Variants in PITPNC1 observed in about 807,000 individuals in gnomAD.
PITPNC1 encodes phosphatidylinositol transfer protein cytoplasmic 1.
A neutral mutation model predicts 44.7 loss-of-function variants in PITPNC1; 18 were observed. The ratio of observed to expected loss-of-function variants is 0.40; its 90% CI spans 0.28 to 0.60. PITPNC1 has a LOEUF of 0.60. Among genes scored for constraint, PITPNC1 ranks in the 20% least tolerant of loss-of-function variants. The pLI is 0.39. For missense variants in PITPNC1, 290 were observed against 418.4 expected, an observed-to-expected ratio of 0.69 and a Z score of 2.68; for synonymous variants, 141 against 149.6, an observed-to-expected ratio of 0.94 and a Z score of 0.42.
chr17:67,528,404 C>T (rs1022396519), intron 1 of PITPNC1, among the ~76,000 whole-genome samples: 1 of 152,242 alleles, frequency 6.6e-6, no homozygotes, highest in African/African-American at 2.4e-5. Context: ...GTGCCTTGCA[C>T]TAATGGGCAA....
chr17:67,687,150 C>G, intron 8 of PITPNC1: 1 of 1,603,198 alleles, frequency 6.2e-7, no homozygotes, highest in Non-Finnish European at 8.5e-7. Context: ...CATTCCTCCC[C>G]TGTGGATGAC....
At position 67,593,616 on chromosome 17, in the gene PITPNC1, C is replaced by T. The variant is rs190149237; in HGVS notation, c.366+15359C>T. On this transcript the variant is annotated intron_variant, in intron 5 of 8. Coordinates refer to ENST00000581322, the MANE Select transcript of PITPNC1 (RefSeq NM_012417.4). ...GTTTCACCGTGTTGGCCAGGCTGGT[C>T]TCAAACTCCTGGGCTCAAGCAATCT... Among the ~76,000 whole-genome samples, 5 of 152,286 alleles carry T rather than the reference C, an allele frequency of 3.3e-5. No individual in the cohort carries two copies. The South Asian group carries it at 1.0e-3, about 32-fold the overall frequency.
At chr17:67,501,975 T>A (rs1339896684) in intron 1 of PITPNC1, among the ~76,000 whole-genome samples, 1 of 152,208 alleles carries the variant, frequency 6.6e-6, no homozygotes, top group Non-Finnish European at 1.5e-5. Context: ...ACTGACCTAT[T>A]AGTGAGTATT....
chr17:67,463,553 G>T (rs1028996688), intron 1 of PITPNC1, among the ~76,000 whole-genome samples: 1 of 152,190 alleles, frequency 6.6e-6, no homozygotes, highest in African/African-American at 2.4e-5. Flanking sequence ...GAGCATCGCT[G>T]ATATCAGGAG....
Position 67,532,906 on chromosome 17 carries a change from C to T in PITPNC1, c.153C>T (p.His51=), listed in dbSNP as rs768292100. The T allele has an allele frequency of 2.5e-6, 4 of 1,610,808 alleles. No homozygotes were observed. The highest frequency in any genetic ancestry group is 3.4e-6 in the Non-Finnish European group (4 of 1,178,836). The change falls in exon 2 of 9, where the codon CAC becomes CAT. Residue 51 remains histidine, a synonymous_variant. Coordinates refer to ENST00000581322, the MANE Select transcript of PITPNC1 (RefSeq NM_012417.4). ...AGAATGAGCCCTTTGAGGACCCTCACCATGGCAATGGGCAGTTCACCGAGA... is the reference window on the plus strand; with the variant it reads ...AGAATGAGCCCTTTGAGGACCCTCATCATGGCAATGGGCAGTTCACCGAGA... The part of the protein sequence containing the change: ...VVQNEPFEDP[H]HGNGQFTEKR...
At chr17:67,462,521 C>G (rs546543557) in intron 1 of PITPNC1, among the ~76,000 whole-genome samples, 1 of 151,792 alleles carries the variant, frequency 6.6e-6, no homozygotes, top group Admixed American at 6.6e-5. Context: ...CGTGAGCCAC[C>G]GTGCCTGGCT....
chr17:67,532,077 G>A (rs879654807), intron 1 of PITPNC1, among the ~76,000 whole-genome samples: 7 of 152,156 alleles, frequency 4.6e-5, no homozygotes, highest in African/African-American at 1.4e-4. Context: ...GATTATTTTA[G>A]GGTAAGACAG....
chr17:67,514,695 A>G (rs966612651), intron 1 of PITPNC1, among the ~76,000 whole-genome samples: 2 of 152,054 alleles, frequency 1.3e-5, no homozygotes, highest in East Asian at 3.9e-4. Context: ...GCATGGTGGC[A>G]TGTGCCTGTA....
intron 4 of PITPNC1, among the ~76,000 whole-genome samples, chr17:67,562,269 G>A (rs112065942): frequency 3.5e-4 from 53 of 152,280 alleles, no homozygotes; most frequent in African/African-American, 1.2e-3. Context: ...TAGGGTGCGG[G>A]CTGGTGAGGA....
rs980688259 is a variant in PITPNC1, at chr17:67,420,632, A to C, written c.48+42430A>C. Among the ~76,000 whole-genome samples, 2 of 151,674 alleles carry C rather than the reference A, an allele frequency of 1.3e-5. 1 individual carries two copies. The highest frequency in any genetic ancestry group is 4.2e-4 in the South Asian group (2 of 4,800). ...TTTTTAGTAGAGACGGGGTTTTGCT[A>C]TGTTGGCCAGGCTGGTCTTGAACTC... On this transcript the variant is annotated intron_variant, in intron 1 of 8. Transcript: ENST00000581322.
chr17:67,555,850 A>T lies in PITPNC1; in HGVS notation c.294+2233A>T, dbSNP rs142517233. Reference sequence around the variant, plus strand: ...CAGAGTGAGAGTCCATCTCAAAAATAAAAAATTAAAAAATTAAGTCAACGG... The same window carrying T: ...CAGAGTGAGAGTCCATCTCAAAAATTAAAAATTAAAAAATTAAGTCAACGG... On this transcript the variant is annotated intron_variant, in intron 4 of 8. Transcript: ENST00000581322. Among the ~76,000 whole-genome samples, 45 of 152,242 alleles carry T rather than the reference A, an allele frequency of 3.0e-4. 2 individuals carry two copies. The East Asian group carries it at 8.3e-3, about 28-fold the overall frequency.
At chr17:67,668,735 A>G (rs1308472504) in intron 6 of PITPNC1, among the ~76,000 whole-genome samples, 2 of 151,884 alleles carry the variant, frequency 1.3e-5, no homozygotes, top group Non-Finnish European at 2.9e-5. Context: ...GGTGGCGGGC[A>G]CCTGTAGTCC....
At chr17:67,623,757 C>T (rs1055216695) in intron 5 of PITPNC1, among the ~76,000 whole-genome samples, 2 of 152,106 alleles carry the variant, frequency 1.3e-5, no homozygotes, top group African/African-American at 4.8e-5. Flanking sequence ...TTCATCTAAG[C>T]CTGGATCTTA....
intron 2 of PITPNC1, among the ~76,000 whole-genome samples, chr17:67,543,183 T>G (rs1009897800): frequency 4.6e-5 from 7 of 152,162 alleles, no homozygotes; most frequent in Admixed American, 4.6e-4. Context: ...ATGACAGCCA[T>G]CTTTAAGTAG....
intron 1 of PITPNC1, among the ~76,000 whole-genome samples, chr17:67,433,778 T>C (rs941624592): frequency 2.6e-5 from 4 of 152,012 alleles, no homozygotes; most frequent in Admixed American, 2.0e-4. Context: ...GGAGGATCAC[T>C]TGAACCCAGG....
intron 1 of PITPNC1, among the ~76,000 whole-genome samples, chr17:67,507,483 G>A (rs961636559): frequency 2.0e-5 from 3 of 151,908 alleles, no homozygotes; most frequent in Non-Finnish European, 4.4e-5. Context: ...TCACAAGTTC[G>A]AGACCAGCCT....
At chr17:67,429,248 G>C (rs2038820350) in intron 1 of PITPNC1, among the ~76,000 whole-genome samples, 1 of 152,178 alleles carries the variant, frequency 6.6e-6, no homozygotes, top group African/African-American at 2.4e-5. Flanking sequence ...TATTGACCAG[G>C]TAAAATGATT....
At chr17:67,505,030 A>G (rs1462897153) in intron 1 of PITPNC1, among the ~76,000 whole-genome samples, 3 of 152,196 alleles carry the variant, frequency 2.0e-5, no homozygotes, top group Admixed American at 1.3e-4. Context: ...TAATTTCCAC[A>G]TATTTATAAA....
intron 1 of PITPNC1, among the ~76,000 whole-genome samples, chr17:67,479,812 G>T (rs963017227): frequency 6.6e-6 from 1 of 152,182 alleles, no homozygotes; most frequent in African/African-American, 2.4e-5. Flanking sequence ...CATGTGAAAT[G>T]TGCTCTGAGT....
Sources: allele counts gnomAD v4.1 joint callset (sites outside exome capture counted in the v4.1 genomes callset), GRCh38; gene constraint gnomAD v4.1.1; transcripts MANE v1.5; gene names NCBI Gene and HGNC (gene_info 2026-07-23, HGNC 2026-07-21).